The following RAP1GDS1 variants were observed in gnomAD, a reference collection of about 807,000 sequenced individuals.
The protein encoded by RAP1GDS1 is Rap1 GTPase-GDP dissociation stimulator 1, also known as RAP1, GTP-GDP dissociation stimulator 1.
Under a neutral mutation model 71.1 loss-of-function variants are expected in RAP1GDS1, and 35 were observed. The ratio of observed to expected loss-of-function variants is 0.49; its 90% CI spans 0.38 to 0.65. The LOEUF (loss-of-function observed/expected upper bound fraction) is 0.65. Ranked by LOEUF, RAP1GDS1 falls within the 30% of genes least tolerant of loss-of-function variation. RAP1GDS1 has a pLI of 0.00. For missense variants in RAP1GDS1, 663 were observed against 706.1 expected (o/e 0.94, Z 0.69); for synonymous variants, 229 against 243.1 (o/e 0.94, Z 0.54).
intron 1 of RAP1GDS1, among the ~76,000 whole-genome samples, chr4:98,267,395 A>C (rs1423711111): frequency 1.3e-5 from 2 of 152,092 alleles, no homozygotes; most frequent in Non-Finnish European, 2.9e-5. Context: ...TTGGAGTATG[A>C]ATAATCCCAT....
intron 5 of RAP1GDS1, among the ~76,000 whole-genome samples, chr4:98,383,159 G>A (rs1330438967): frequency 6.6e-6 from 1 of 151,596 alleles, no homozygotes; most frequent in Non-Finnish European, 1.5e-5. Context: ...GTGTAATTGA[G>A]GGTTTAACTT....
chr4:98,435,067 G>A (rs1750958031), intron 13 of RAP1GDS1, among the ~76,000 whole-genome samples: 1 of 152,186 alleles, frequency 6.6e-6, no homozygotes, highest in South Asian at 2.1e-4. Context: ...GTGGCCTGTG[G>A]TTAAGGCCTA....
intron 1 of RAP1GDS1, among the ~76,000 whole-genome samples, chr4:98,270,221 C>T (rs550382237): frequency 1.3e-5 from 2 of 152,264 alleles, no homozygotes; most frequent in East Asian, 1.9e-4. Flanking sequence ...CTCCCATTAC[C>T]TTCCAGTACT....
At chr4:98,385,051 T>C (rs1421203543) in intron 5 of RAP1GDS1, among the ~76,000 whole-genome samples, 1 of 151,704 alleles carries the variant, frequency 6.6e-6, no homozygotes, top group Non-Finnish European at 1.5e-5. Context: ...ATAGCCGTTA[T>C]CAAATATTAT....
chr4:98,333,602 C>T (rs568237623), intron 2 of RAP1GDS1, among the ~76,000 whole-genome samples: 1 of 151,988 alleles, frequency 6.6e-6, no homozygotes, highest in African/African-American at 2.4e-5. Context: ...CTTAATTTAA[C>T]ATAACAGTGG....
chr4:98,310,019 A>G (rs1356399886), intron 2 of RAP1GDS1, among the ~76,000 whole-genome samples: 2 of 152,062 alleles, frequency 1.3e-5, no homozygotes, highest in African/African-American at 2.4e-5. Flanking sequence ...TTGAGCTCAT[A>G]CTGTTGTGCT....
intron 2 of RAP1GDS1, among the ~76,000 whole-genome samples, chr4:98,305,564 G>C (rs752748356): frequency 3.5e-4 from 53 of 152,140 alleles, no homozygotes; most frequent in Non-Finnish European, 6.2e-4. Flanking sequence ...GCTTGAATCT[G>C]GGAGAGTGAG....
At position 98,323,724 on chromosome 4, in the gene RAP1GDS1, C is replaced by G. The variant is rs1463703800; in HGVS notation, c.113-19415C>G. ...AAAGCCTTTGACAAAATTCAACAAC[C>G]CTTCATGCTAAAAACTCTCAATAAA... On this transcript the variant is annotated intron_variant, in intron 2 of 14. Coordinates refer to ENST00000408927, the MANE Select transcript of RAP1GDS1 (RefSeq NM_001100427.2). Among the ~76,000 whole-genome samples the G allele has an allele frequency of 1.1e-4, 16 of 149,064 alleles. No homozygotes were observed. The South Asian group carries it at 2.0e-3, about 18-fold the overall frequency.
chr4:98,298,029 G>A (rs766079372), intron 2 of RAP1GDS1, among the ~76,000 whole-genome samples: 24 of 152,160 alleles, frequency 1.6e-4, no homozygotes, highest in Non-Finnish European at 2.5e-4. Flanking sequence ...AACTTTGAGC[G>A]CTCTGGTTAG....
chr4:98,438,276 C>T (rs1474084888), intron 14 of RAP1GDS1, among the ~76,000 whole-genome samples: 1 of 151,484 alleles, frequency 6.6e-6, no homozygotes, highest in Non-Finnish European at 1.5e-5. Flanking sequence ...TTTCATGTGC[C>T]ACTACAAGAA....
intron 6 of RAP1GDS1, among the ~76,000 whole-genome samples, chr4:98,394,047 T>C (rs981813446): frequency 2.0e-5 from 3 of 152,156 alleles, no homozygotes; most frequent in East Asian, 1.9e-4. Flanking sequence ...GGAGAGTACA[T>C]AGAAGAAAGC....
At chr4:98,349,581 G>C (rs931049244) in intron 3 of RAP1GDS1, among the ~76,000 whole-genome samples, 4 of 152,186 alleles carry the variant, frequency 2.6e-5, no homozygotes, top group African/African-American at 4.8e-5. Flanking sequence ...TCACGATACT[G>C]ATTCGTCCTA....
intron 6 of RAP1GDS1, among the ~76,000 whole-genome samples, chr4:98,402,704 A>C (rs1402336755): frequency 6.6e-6 from 1 of 152,126 alleles, no homozygotes; most frequent in Non-Finnish European, 1.5e-5. Flanking sequence ...GTAACACAAG[A>C]GATTTACCAG....
At chr4:98,292,351 A>G (rs1727089036) in intron 1 of RAP1GDS1, among the ~76,000 whole-genome samples, 1 of 151,986 alleles carries the variant, frequency 6.6e-6, no homozygotes, top group Non-Finnish European at 1.5e-5. Context: ...CCGGGCCGGT[A>G]TCAAACTCCT....
intron 2 of RAP1GDS1, among the ~76,000 whole-genome samples, chr4:98,330,555 G>A (rs1181912400): frequency 5.3e-5 from 8 of 150,758 alleles, no homozygotes; most frequent in African/African-American, 9.8e-5. Context: ...CGGGGCGGCC[G>A]GACAGAGGCG....
At chr4:98,364,164 A>T (rs772905519) in intron 4 of RAP1GDS1, among the ~76,000 whole-genome samples, 7 of 152,186 alleles carry the variant, frequency 4.6e-5, no homozygotes, top group Non-Finnish European at 8.8e-5. Context: ...GGGAATAAAT[A>T]TTCAAAAAGT....
In RAP1GDS1 at chr4:98,416,432, C is replaced by T. The variant is rs149508372; in HGVS notation, c.764-313C>T. On this transcript the variant is annotated intron_variant, in intron 7 of 14. Coordinates refer to ENST00000408927, the MANE Select transcript of RAP1GDS1 (RefSeq NM_001100427.2). ...TGCAATCTTGGCTCACTGCAAGTTCCGCCTCCCAGGTTCACGCCATTCTCC... is the reference window on the plus strand; with the variant it reads ...TGCAATCTTGGCTCACTGCAAGTTCTGCCTCCCAGGTTCACGCCATTCTCC... 9.4e-3 allele frequency among the ~76,000 whole-genome samples: 1,339 copies of T among 142,048 alleles called. 23 individuals are homozygous for T. Among genetic ancestry groups the T allele is most frequent in the African/African-American group, 0.034 (1,271 of 37,656 alleles). The allele number at this position is 142,048 out of a possible 152,430, so 93.2% of individuals were successfully genotyped here. A position where few individuals can be genotyped will look rare whatever the true frequency, so the allele number is the denominator to read the frequency against.
chr4:98,372,466 C>G (rs1740534438), intron 4 of RAP1GDS1, among the ~76,000 whole-genome samples: 2 of 152,094 alleles, frequency 1.3e-5, no homozygotes, highest in Non-Finnish European at 1.5e-5. Context: ...CGTGCCCAGC[C>G]CATTACTGGC....
chr4:98,394,327 T>C (rs1315685678), intron 6 of RAP1GDS1, among the ~76,000 whole-genome samples: 1 of 152,022 alleles, frequency 6.6e-6, no homozygotes, highest in Non-Finnish European at 1.5e-5. Context: ...CAAATGAGAG[T>C]CAAGGAAAAG....
Sources: allele counts gnomAD v4.1 joint callset (sites outside exome capture counted in the v4.1 genomes callset), GRCh38; gene constraint gnomAD v4.1.1; transcripts MANE v1.5; gene names NCBI Gene and HGNC (gene_info 2026-07-23, HGNC 2026-07-21).